CLDN11: variants seen among roughly 807,000 people sequenced by gnomAD.
CLDN11 encodes the protein claudin-11.
A neutral mutation model predicts 18.0 loss-of-function variants in CLDN11; 1 was observed. The ratio of observed to expected loss-of-function variants is 0.06; its 90% CI spans 0.02 to 0.26. The LOEUF is 0.26. Among genes scored for constraint, CLDN11 ranks in the 10% least tolerant of loss-of-function variants. CLDN11 has a pLI of 1.00. For synonymous variants in CLDN11, 116 were observed against 121.5 expected (o/e 0.96, Z 0.30); for missense variants, 172 against 276.6 (o/e 0.62, Z 2.68).
At chr3:170,420,034 G>A (rs1738686366) in intron 1 of CLDN11, among the ~76,000 whole-genome samples, 1 of 152,246 alleles carries the variant, frequency 6.6e-6, no homozygotes, top group Non-Finnish European at 1.5e-5. Flanking sequence ...CTCCTCGGAG[G>A]GCGGACTCCA....
Position 170,419,522 on chromosome 3 carries a change from G to T in CLDN11, c.226+230G>T, listed in dbSNP as rs1738669072. ...GATAATAGTGGCAATGTGGCCGGTG[G>T]TAACACTGGCCGGGTCCCTTTGAGA... On this transcript the variant is annotated intron_variant, in intron 1 of 2. Transcript: ENST00000064724. The surrounding 1 kb of genome is among the most constrained non-coding windows in gnomAD (Gnocchi z 8.6). 6.6e-6 allele frequency among the ~76,000 whole-genome samples: 1 copy of T among 152,344 alleles called. No homozygotes were observed. The highest frequency in any genetic ancestry group is 1.5e-5 in the Non-Finnish European group (1 of 68,020).
chr3:170,434,651 A>G lies in CLDN11; in HGVS notation c.*1895A>G, dbSNP rs1444192895. ...AACACATTGCAATCTATTTTGGCAG[A>G]CTTCTTTCAAATAAAATACTAATTT... On this transcript the variant is annotated 3_prime_UTR_variant, in exon 3 of 3. Coordinates refer to ENST00000064724, the MANE Select transcript of CLDN11 (RefSeq NM_005602.6). Among the ~76,000 whole-genome samples the G allele has an allele frequency of 6.6e-6, 1 of 152,186 alleles. No homozygotes were observed. The highest frequency in any genetic ancestry group is 1.5e-5 in the Non-Finnish European group (1 of 68,034).
Position 170,419,285 on chromosome 3 carries a change from C to T in CLDN11, c.219C>T (p.Ile73=). The T allele has an allele frequency of 2.6e-6, 4 of 1,557,428 alleles. No homozygotes were observed. Among genetic ancestry groups the T allele is most frequent in the Non-Finnish European group, 3.5e-6 (4 of 1,149,166 alleles). The change falls in exon 1 of 3, where the codon ATC becomes ATT. Residue 73 remains isoleucine (I), a synonymous_variant. Transcript: ENST00000064724. This position sits in a 1 kb window ranked among gnomAD's most constrained non-coding sequence, Gnocchi z 8.6. ...YHCKPLVDIL[I]LPGYVQACRA... is the part of the protein sequence containing the mutation. Reference sequence around the variant, plus strand: ...GCAAGCCCCTGGTGGACATCCTCATCCTGCCGGGTAAGGACCCGAGCTTGG... The same window carrying T: ...GCAAGCCCCTGGTGGACATCCTCATTCTGCCGGGTAAGGACCCGAGCTTGG...
At position 170,419,210 on chromosome 3, in the gene CLDN11, C is replaced by A; in HGVS notation, c.144C>A (p.Gly48=). The A allele has an allele frequency of 6.4e-7, 1 of 1,570,196 alleles. No homozygotes were observed. Among genetic ancestry groups the A allele is most frequent in the South Asian group, 1.2e-5 (1 of 85,168 alleles). ...CCTGCCGCAAGCTGGATGAGCTGGG[C>A]TCCAAGGGGCTGTGGGCCGACTGCG... The part of the protein sequence containing the change: ...IPTCRKLDEL[G]SKGLWADCVM... The change falls in exon 1 of 3, where the codon GGC becomes GGA. Residue 48 remains glycine, a synonymous_variant. Coordinates refer to ENST00000064724, the MANE Select transcript of CLDN11 (RefSeq NM_005602.6). This position sits in a 1 kb window ranked among gnomAD's most constrained non-coding sequence, Gnocchi z 8.6.
At chr3:170,428,025 T>A (rs1738902484) in intron 2 of CLDN11, among the ~76,000 whole-genome samples, 1 of 151,240 alleles carries the variant, frequency 6.6e-6, no homozygotes, top group Non-Finnish European at 1.5e-5. Flanking sequence ...AGCCTGGTGG[T>A]GTGCACCTGT....
At chr3:170,421,790 C>T (rs1198504344) in intron 1 of CLDN11, among the ~76,000 whole-genome samples, 2 of 152,212 alleles carry the variant, frequency 1.3e-5, no homozygotes, top group Non-Finnish European at 2.9e-5. Context: ...AGTATCTTGT[C>T]AGATTTATTC....
chr3:170,424,397 T>C (rs1203738492), intron 2 of CLDN11, among the ~76,000 whole-genome samples: 3 of 152,108 alleles, frequency 2.0e-5, no homozygotes, highest in Admixed American at 2.0e-4. Flanking sequence ...TGGTCATGAA[T>C]TGAGGGGAGG....
chr3:170,423,367 G>A (rs754768464), intron 2 of CLDN11, 40 bp downstream of exon 2: 1 of 1,600,376 alleles, frequency 6.2e-7, no homozygotes, highest in South Asian at 1.1e-5. Context: ...CTATGAGGGA[G>A]CCTGATGAAT....
At chr3:170,420,664 T>A (rs1030377108) in intron 1 of CLDN11, among the ~76,000 whole-genome samples, 5 of 152,236 alleles carry the variant, frequency 3.3e-5, no homozygotes, top group African/African-American at 1.2e-4. Flanking sequence ...TGGCACACAA[T>A]AGCTGCGGGC....
At position 170,423,175 on chromosome 3, in the gene CLDN11, C is replaced by T. The variant is rs1280375654; in HGVS notation, c.239C>T (p.Ala80Val). ...DILILPGYVQ[A>V]CRALMIAASV... Reference sequence around the variant, plus strand: ...CTCTTGTTCCCAGGCTACGTGCAGGCCTGCCGCGCCCTGATGATTGCTGCC... The same window carrying T: ...CTCTTGTTCCCAGGCTACGTGCAGGTCTGCCGCGCCCTGATGATTGCTGCC... Residue 80 changes from alanine (A) to valine (V), a missense_variant, in exon 2 of 3, where the codon GCC (alanine) becomes GTC (valine). Ala to Val is a moderately conservative substitution (Grantham distance 64, BLOSUM62 0). This residue lies in a region of CLDN11 where 161 missense variants were observed against 240.3 expected (regional missense o/e 0.67). Coordinates refer to ENST00000064724, the MANE Select transcript of CLDN11 (RefSeq NM_005602.6). The T allele has an allele frequency of 5.0e-6, 8 of 1,614,212 alleles. No individual in the cohort carries two copies. Among genetic ancestry groups the T allele is most frequent in the Admixed American group, 1.7e-5 (1 of 60,028 alleles).
Position 170,434,497 on chromosome 3 carries a change from A to G in CLDN11, c.*1741A>G, listed in dbSNP as rs1739087359. On this transcript the variant is annotated 3_prime_UTR_variant, in exon 3 of 3. Transcript: ENST00000064724. Reference sequence around the variant, plus strand: ...TTTTATTGGATCTTTAAGTAATAATATCTAAATACATTTCGTTCAAACATA... The same window carrying G: ...TTTTATTGGATCTTTAAGTAATAATGTCTAAATACATTTCGTTCAAACATA... Among the ~76,000 whole-genome samples, 1 of 152,230 alleles carries G rather than the reference A, an allele frequency of 6.6e-6. No individual in the cohort carries two copies. The highest frequency in any genetic ancestry group is 1.5e-5 in the Non-Finnish European group (1 of 68,040).
intron 2 of CLDN11, among the ~76,000 whole-genome samples, chr3:170,427,639 A>G (rs1738889794): frequency 1.3e-5 from 2 of 151,696 alleles, no homozygotes; most frequent in Admixed American, 1.3e-4. Context: ...CAAAAAACAA[A>G]AAAACCAACC....
chr3:170,428,538 G>A (rs1372209153), intron 2 of CLDN11, among the ~76,000 whole-genome samples: 2 of 152,192 alleles, frequency 1.3e-5, no homozygotes, highest in African/African-American at 2.4e-5. Flanking sequence ...AAGGAATTCT[G>A]CTTATGAGAG....
chr3:170,419,552 A>G lies in CLDN11; in HGVS notation c.226+260A>G, dbSNP rs1738669594. Among the ~76,000 whole-genome samples the G allele has an allele frequency of 6.6e-6, 1 of 152,172 alleles. No individual in the cohort carries two copies. Among genetic ancestry groups the G allele is most frequent in the Admixed American group, 6.5e-5 (1 of 15,280 alleles). On this transcript the variant is annotated intron_variant, in intron 1 of 2. Transcript: ENST00000064724. This position sits in a 1 kb window ranked among gnomAD's most constrained non-coding sequence, Gnocchi z 8.6. ...ACTGGCCGGGTCCCTTTGAGAATGAACAAACCGGAACACCTAATAGGAACT... is the reference window on the plus strand; with the variant it reads ...ACTGGCCGGGTCCCTTTGAGAATGAGCAAACCGGAACACCTAATAGGAACT...
intron 2 of CLDN11, among the ~76,000 whole-genome samples, chr3:170,425,200 A>G (rs1402087763): frequency 6.6e-6 from 1 of 152,192 alleles, no homozygotes; most frequent in Non-Finnish European, 1.5e-5. Context: ...AATCCAGGTG[A>G]AACCCTTCTC....
At chr3:170,422,427 A>T (rs2108243950) in intron 1 of CLDN11, among the ~76,000 whole-genome samples, 1 of 152,130 alleles carries the variant, frequency 6.6e-6, no homozygotes, top group African/African-American at 2.4e-5. Flanking sequence ...TTGTTTATTT[A>T]TTTATTTATT....
rs1288778314 is a variant in CLDN11, at chr3:170,434,277, G to A, written c.*1521G>A. ...TCACGGTATTGCAGTGGTAATTTGT[G>A]GTCATGAAAGCATAACCTCAGTGCT... On this transcript the variant is annotated 3_prime_UTR_variant, in exon 3 of 3. Transcript: ENST00000064724. 2.6e-5 allele frequency among the ~76,000 whole-genome samples: 4 copies of A among 152,128 alleles called. No homozygotes were observed. Among genetic ancestry groups the A allele is most frequent in the Non-Finnish European group, 5.9e-5 (4 of 68,018 alleles).
chr3:170,425,928 C>T (rs545061349), intron 2 of CLDN11, among the ~76,000 whole-genome samples: 21 of 152,342 alleles, frequency 1.4e-4, no homozygotes, highest in Admixed American at 7.8e-4. Context: ...CTTCTCACCA[C>T]GGAGCCCCAA....
At chr3:170,420,332 T>C (rs947571770) in intron 1 of CLDN11, among the ~76,000 whole-genome samples, 11 of 152,294 alleles carry the variant, frequency 7.2e-5, no homozygotes, top group African/African-American at 9.6e-5. Context: ...CCTTCGTGGA[T>C]TGTGCTCACT....
Sources: allele counts gnomAD v4.1 joint callset (sites outside exome capture counted in the v4.1 genomes callset), GRCh38; gene constraint gnomAD v4.1.1; regional missense constraint gnomAD v4.1.1; non-coding constraint Gnocchi (gnomAD v3.1); transcripts MANE v1.5; gene names NCBI Gene and HGNC (gene_info 2026-07-23, HGNC 2026-07-21).